NDUFV2: variants seen among roughly 807,000 people sequenced by gnomAD.
NDUFV2 encodes NADH:ubiquinone oxidoreductase core subunit V2, also known as NADH dehydrogenase [ubiquinone] flavoprotein 2, mitochondrial.
A neutral mutation model predicts 31.6 loss-of-function variants in NDUFV2; 18 were observed. That is an observed-to-expected ratio of 0.57 (90% confidence interval 0.39 to 0.84). The LOEUF (loss-of-function observed/expected upper bound fraction) is 0.84, where lower values mean the gene tolerates loss of function less well. Among genes scored for constraint, NDUFV2 ranks in the 40% least tolerant of loss-of-function variants. NDUFV2 has a pLI of 0.00. For missense variants in NDUFV2, 314 were observed against 303.6 expected (o/e 1.03, Z -0.26); for synonymous variants, 83 against 99.8 (o/e 0.83, Z 1.01).
intron 1 of NDUFV2, chr18:9,117,616 T>C (rs1598345166): frequency 4.1e-6 from 2 of 488,598 alleles, no homozygotes; most frequent in East Asian, 7.1e-5. Flanking sequence ...GGTTCTCCTA[T>C]TGACTCGTGT....
chr18:9,133,264 T>C (rs1222140302), intron 7 of NDUFV2: 1 of 152,272 alleles, frequency 6.6e-6, no homozygotes, highest in Non-Finnish European at 1.5e-5. Flanking sequence ...GTTCTTTCTT[T>C]AGGTAAATCT....
rs1391312007 is a variant in NDUFV2, at chr18:9,108,752, G to A, written c.54+5955G>A. 3.4e-5 allele frequency among the ~76,000 whole-genome samples: 5 copies of A among 147,928 alleles called. No homozygotes were observed. In the East Asian group the frequency reaches 5.9e-4, roughly 17 times the overall value. On this transcript the variant is annotated intron_variant, in intron 1 of 7. Transcript: ENST00000318388. ...GTTGCCCAGGCTGGAGTTCAGTGGC[G>A]TGATTTTGGCTCACTGCAACCTCTG...
chr18:9,117,224 A>C (rs927608375), intron 1 of NDUFV2, among the ~76,000 whole-genome samples: 15 of 151,958 alleles, frequency 9.9e-5, no homozygotes, highest in African/African-American at 3.6e-4. Context: ...CTTAGTAGAG[A>C]TGGGGTTTTA....
In NDUFV2 at chr18:9,126,812, T is replaced by G; in HGVS notation, c.580-19T>G. Reference sequence around the variant, plus strand: ...AAAGAAAGTAATTTAAATATGACTATTGTTAATTTTTTTTCCAGGAGGATT... The same window carrying G: ...AAAGAAAGTAATTTAAATATGACTAGTGTTAATTTTTTTTCCAGGAGGATT... On this transcript the variant is annotated intron_variant, in intron 6 of 7. Transcript: ENST00000318388. 4.4e-6 allele frequency: 7 copies of G among 1,578,088 alleles called. No homozygotes were observed. The highest frequency in any genetic ancestry group is 6.1e-6 in the Non-Finnish European group (7 of 1,147,366).
chr18:9,121,793 T>C (rs999716239), intron 4 of NDUFV2, among the ~76,000 whole-genome samples: 4 of 152,202 alleles, frequency 2.6e-5, no homozygotes, highest in Admixed American at 6.5e-5. Flanking sequence ...CCCTTAGTCC[T>C]GAACACCAGA....
intron 4 of NDUFV2, chr18:9,121,593 A>G (rs2077936254): frequency 6.6e-6 from 1 of 152,260 alleles, no homozygotes; most frequent in Admixed American, 6.5e-5. Flanking sequence ...CTCTTCTTTT[A>G]TATTAGAATA....
At chr18:9,118,956 A>C (rs2077914906) in intron 2 of NDUFV2, among the ~76,000 whole-genome samples, 1 of 151,614 alleles carries the variant, frequency 6.6e-6, no homozygotes, top group East Asian at 1.9e-4. Flanking sequence ...TTCACATTTA[A>C]AATTTTGTGT....
At chr18:9,131,156 C>A (rs2078037172) in intron 7 of NDUFV2, among the ~76,000 whole-genome samples, 2 of 152,122 alleles carry the variant, frequency 1.3e-5, no homozygotes, top group Non-Finnish European at 1.5e-5. Flanking sequence ...TTATTAAAAT[C>A]ATAATGAAAA....
intron 7 of NDUFV2, among the ~76,000 whole-genome samples, chr18:9,129,385 G>A (rs1189845726): frequency 1.3e-5 from 2 of 152,124 alleles, no homozygotes; most frequent in Non-Finnish European, 2.9e-5. Flanking sequence ...ATACTCAACA[G>A]TAATTTTTTT....
intron 5 of NDUFV2, among the ~76,000 whole-genome samples, 159 bp from the exon 6 acceptor site, chr18:9,124,715 T>C (rs1192407546): frequency 2.6e-5 from 4 of 152,132 alleles, no homozygotes; most frequent in Non-Finnish European, 5.9e-5. Flanking sequence ...CCCAAAGTGC[T>C]GGGATTACAG....
intron 5 of NDUFV2, among the ~76,000 whole-genome samples, chr18:9,123,215 T>A (rs1031586993): frequency 6.6e-6 from 1 of 152,194 alleles, no homozygotes; most frequent in African/African-American, 2.4e-5. Context: ...ACTATATATG[T>A]CAAATGAAGT....
intron 1 of NDUFV2, chr18:9,104,920 C>A: frequency 1.3e-6 from 2 of 1,500,300 alleles, no homozygotes; most frequent in South Asian, 1.3e-5. Flanking sequence ...CCATTGTTAA[C>A]ATTTTGATGT....
chr18:9,118,821 T>TTG (rs1460878916), intron 2 of NDUFV2, among the ~76,000 whole-genome samples: 1 of 147,140 alleles, frequency 6.8e-6, no homozygotes, highest in African/African-American at 2.5e-5. Context: ...TGCTGTTTTT[T>TTG]TTTTTTTTTT....
At chr18:9,120,476 G>T (rs1296358384) in intron 4 of NDUFV2, among the ~76,000 whole-genome samples, 3 of 152,114 alleles carry the variant, frequency 2.0e-5, no homozygotes, top group Non-Finnish European at 4.4e-5. Flanking sequence ...CTACTTGACT[G>T]ACTATAACAG....
chr18:9,122,663 G>A lies in NDUFV2; in HGVS notation c.451G>A (p.Ala151Thr). 4 of 1,613,920 alleles carry A rather than the reference G, an allele frequency of 2.5e-6. No homozygotes were observed. The highest frequency in any genetic ancestry group is 3.4e-6 in the Non-Finnish European group (4 of 1,179,892). ...TCGAAACTCTGACAGCATACTGGAG[G>A]CCATTCAGAAAAAGCTTGGTAGGGA... ...MLRNSDSILE[A>T]IQKKLGIKVG... The change falls in exon 5 of 8, where the codon GCC becomes ACC. Residue 151 changes from alanine to threonine, a missense_variant. Coordinates refer to ENST00000318388, the MANE Select transcript of NDUFV2 (RefSeq NM_021074.5).
intron 7 of NDUFV2, chr18:9,133,411 T>C (rs1019608935): frequency 6.6e-6 from 1 of 152,166 alleles, no homozygotes; most frequent in Admixed American, 6.5e-5. Flanking sequence ...GTGTGTGGGG[T>C]TGACAGACAG....
rs2077917718 is a variant in NDUFV2, at chr18:9,119,370, C to A, written c.165C>A (p.Phe55Leu). The A allele has an allele frequency of 6.2e-7, 1 of 1,612,566 alleles. No individual in the cohort carries two copies. Among genetic ancestry groups the A allele is most frequent in the African/African-American group, 1.3e-5 (1 of 74,994 alleles). ...ATAACCCTGATACTCCATTTGATTT[C>A]ACACCAGAAAACTATAAGGTATGGC... ...PENNPDTPFDFTPENYKRIEA... is the reference protein window; with the variant it reads ...PENNPDTPFDLTPENYKRIEA... The change falls in exon 3 of 8, where the codon TTC (phenylalanine) becomes TTA (leucine). Residue 55 changes from phenylalanine to leucine, a missense_variant. By Grantham distance (22) the Phe-to-Leu change is conservative (BLOSUM62 0). Transcript: ENST00000318388.
intron 5 of NDUFV2, 62 bp from the exon 6 acceptor site, chr18:9,124,812 T>A: frequency 6.8e-7 from 1 of 1,477,908 alleles, no homozygotes; most frequent in Non-Finnish European, 9.1e-7. Context: ...TTTTTTTTTT[T>A]TTTAAACCAA....
intron 1 of NDUFV2, among the ~76,000 whole-genome samples, chr18:9,108,485 T>TA (rs1214819519): frequency 6.6e-6 from 1 of 152,160 alleles, no homozygotes; most frequent in East Asian, 1.9e-4. Context: ...TTCTCACCTG[T>TA]AAAACAAGAT....
Sources: allele counts gnomAD v4.1 joint callset (sites outside exome capture counted in the v4.1 genomes callset), GRCh38; gene constraint gnomAD v4.1.1; transcripts MANE v1.5; gene names NCBI Gene and HGNC (gene_info 2026-07-23, HGNC 2026-07-21).